Variants in DLGAP2 observed in about 807,000 individuals in gnomAD.
The protein encoded by DLGAP2 is DLG associated protein 2.
A neutral mutation model predicts 100.3 loss-of-function variants in DLGAP2; 26 were observed. The ratio of observed to expected loss-of-function variants is 0.26; its 90% confidence interval spans 0.19 to 0.36. The LOEUF (loss-of-function observed/expected upper bound fraction) is 0.36. Ranked by LOEUF, DLGAP2 falls within the 10% of genes least tolerant of loss-of-function variation. The pLI is 1.00. For missense variants in DLGAP2, 1,858 were observed against 1,453.2 expected (o/e 1.28, Z -4.53); for synonymous variants, 886 against 630.1 (o/e 1.41, Z -6.08).
intron 12 of DLGAP2, among the ~76,000 whole-genome samples, chr8:1,683,890 GTGTGTGTA>G (rs1799033182): frequency 9.5e-6 from 1 of 105,800 alleles, no homozygotes; most frequent in Non-Finnish European, 1.8e-5. Context: ...GTGTGTGTGT[GTGTGTGTA>G]TACACATATA....
intron 4 of DLGAP2, among the ~76,000 whole-genome samples, chr8:1,527,146 C>G (rs1800822466): frequency 6.6e-6 from 1 of 152,258 alleles, no homozygotes. Context: ...ACGCCCTATC[C>G]AACCCTCTCC....
chr8:975,928 C>CATT (rs36049012), intron 2 of DLGAP2, among the ~76,000 whole-genome samples: 65,239 of 151,746 alleles, frequency 0.43, 14,496 homozygotes, highest in Admixed American at 0.55. Flanking sequence ...TCACAGATGA[C>CATT]GTTGTCTGTG....
rs568675180 is a variant in DLGAP2, at chr8:903,867, C to T, written c.19-4045C>T. The stretch of plus-strand genomic sequence containing the variant: ...TCGTTATGCAGCCGCAGCAGACTGC[C>T]GCGTTCCACAGGAACACTTCCCCAG... On this transcript the variant is annotated intron_variant, in intron 1 of 14. Transcript: ENST00000637795. Among the ~76,000 whole-genome samples, 9 of 152,318 alleles carry T rather than the reference C, an allele frequency of 5.9e-5. No homozygotes were observed. In the East Asian group the frequency reaches 9.7e-4, roughly 16 times the overall value.
intron 3 of DLGAP2, among the ~76,000 whole-genome samples, chr8:1,450,446 C>T (rs1188705003): frequency 7.5e-5 from 10 of 134,104 alleles, no homozygotes; most frequent in Non-Finnish European, 1.3e-4. Context: ...GGTGGGCGGC[C>T]TCGGTGGCTG....
chr8:1,460,044 G>A (rs1156682151), intron 3 of DLGAP2, among the ~76,000 whole-genome samples: 3 of 152,178 alleles, frequency 2.0e-5, no homozygotes, highest in Admixed American at 2.0e-4. Flanking sequence ...TTGACAGAGG[G>A]ACCATGAGAA....
intron 1 of DLGAP2, among the ~76,000 whole-genome samples, chr8:835,227 C>T (rs1263015986): frequency 3.9e-5 from 6 of 151,990 alleles, no homozygotes; most frequent in Non-Finnish European, 7.4e-5. Context: ...TGAAATATTG[C>T]CTGCCATTTA....
chr8:817,401 A>C (rs1267444956), intron 1 of DLGAP2, among the ~76,000 whole-genome samples: 1 of 152,110 alleles, frequency 6.6e-6, no homozygotes, highest in Non-Finnish European at 1.5e-5. Context: ...CTTAAGTTGG[A>C]CTTCACCTTT....
chr8:1,018,618 C>T (rs1308382957), intron 2 of DLGAP2: 2 of 152,216 alleles, frequency 1.3e-5, no homozygotes, highest in East Asian at 1.9e-4. Flanking sequence ...GTTTATCTGT[C>T]CTCATAATTA....
intron 1 of DLGAP2, among the ~76,000 whole-genome samples, chr8:768,370 G>C (rs894804580): frequency 2.0e-5 from 3 of 151,084 alleles, no homozygotes; most frequent in Non-Finnish European, 1.5e-5. Context: ...TAAGCTTTTC[G>C]CTGTGGGCTT....
chr8:907,415 A>G (rs184843874), intron 1 of DLGAP2, among the ~76,000 whole-genome samples: 1 of 152,194 alleles, frequency 6.6e-6, no homozygotes, highest in African/African-American at 2.4e-5. Flanking sequence ...TTTTCTTCCC[A>G]TTTTACTACT....
At chr8:1,282,840 G>C (rs1248057851) in intron 3 of DLGAP2, among the ~76,000 whole-genome samples, 1 of 67,290 alleles carries the variant, frequency 1.5e-5, no homozygotes, top group South Asian at 5.5e-4. Context: ...AACCCAGCAC[G>C]TGAAGCATCC....
chr8:1,342,852 A>G (rs1472817950), intron 3 of DLGAP2, among the ~76,000 whole-genome samples: 2 of 152,180 alleles, frequency 1.3e-5, no homozygotes, highest in Non-Finnish European at 2.9e-5. Context: ...CCAAGTCACA[A>G]TTCTTTCCCT....
At position 1,183,245 on chromosome 8, in the gene DLGAP2, G is replaced by A. The variant is rs543976886; in HGVS notation, c.74-75606G>A. 3.3e-5 allele frequency among the ~76,000 whole-genome samples: 5 copies of A among 152,314 alleles called. No homozygotes were observed. In the South Asian group the frequency reaches 1.0e-3, roughly 32 times the overall value. ...GCGTGGAGGGGAGGAGAATGTGACA[G>A]ACATGGAGGTTCACGGAAGGGGAGA... On this transcript the variant is annotated intron_variant, in intron 2 of 14. Coordinates refer to ENST00000637795, the MANE Select transcript of DLGAP2 (RefSeq NM_001346810.2).
At chr8:767,877 G>T (rs542871023) in intron 1 of DLGAP2, among the ~76,000 whole-genome samples, 28 of 152,316 alleles carry the variant, frequency 1.8e-4, no homozygotes, top group Admixed American at 5.2e-4. Context: ...GAAGTTTCTT[G>T]CAGTAGAGGG....
chr8:1,556,942 G>A (rs573521746), intron 5 of DLGAP2, among the ~76,000 whole-genome samples: 1 of 152,274 alleles, frequency 6.6e-6, no homozygotes, highest in African/African-American at 2.4e-5. Context: ...TCAGCACAGC[G>A]GGATGGGGGC....
At chr8:1,267,627 T>TAAAATAAAAAAATAAAATAAA (rs61003863) in intron 3 of DLGAP2, among the ~76,000 whole-genome samples, 1 of 39,424 alleles carries the variant, frequency 2.5e-5, no homozygotes, top group African/African-American at 1.8e-4. Context: ...ATAAGATAAA[T>TAAAATAAAAAAATAAAATAAA]ATTAAATAGG....
intron 2 of DLGAP2, among the ~76,000 whole-genome samples, chr8:1,213,373 G>A (rs184902419): frequency 5.0e-4 from 75 of 149,212 alleles, no homozygotes; most frequent in African/African-American, 1.9e-3. Flanking sequence ...ACTGTGTATT[G>A]CAATGATAAT....
Position 1,411,927 on chromosome 8 carries a change from T to G in DLGAP2, c.107-89439T>G, listed in dbSNP as rs77706680. Among the ~76,000 whole-genome samples the G allele has an allele frequency of 3.5e-3, 531 of 152,222 alleles. 10 individuals are homozygous for G. The East Asian group carries it at 0.047, about 14-fold the overall frequency. On this transcript the variant is annotated intron_variant, in intron 3 of 14. Coordinates refer to ENST00000637795, the MANE Select transcript of DLGAP2 (RefSeq NM_001346810.2). ...GACACAGAGTGTGGGGGTGGATGCTTCCACGCCAGTATCCTCCACGTTCAG... is the reference window on the plus strand; with the variant it reads ...GACACAGAGTGTGGGGGTGGATGCTGCCACGCCAGTATCCTCCACGTTCAG...
At chr8:906,941 A>T (rs1052698408) in intron 1 of DLGAP2, among the ~76,000 whole-genome samples, 17 of 152,122 alleles carry the variant, frequency 1.1e-4, no homozygotes, top group Admixed American at 8.5e-4. Flanking sequence ...TCTTTTTTCA[A>T]TATAGAAGAA....
Sources: gnomAD v4.1 joint callset for allele counts (sites outside exome capture counted in the v4.1 genomes callset) on GRCh38, gnomAD v4.1.1 for gene constraint, MANE v1.5 for transcripts, NCBI Gene and HGNC (gene_info 2026-07-23, HGNC 2026-07-21) for gene names.